Variants in KANK1 observed in about 807,000 individuals in gnomAD.
The protein encoded by KANK1 is KN motif and ankyrin repeat domains 1.
A neutral mutation model predicts 106.2 loss-of-function variants in KANK1; 109 were observed. The ratio of observed to expected loss-of-function variants is 1.03; its 90% CI spans 0.88 to 1.20. The LOEUF is 1.20. Among genes scored for constraint, KANK1 ranks in the 50% most tolerant of loss-of-function variants. The probability of loss-of-function intolerance (pLI) is 0.00; values close to 1 mark genes in which losing one functional copy is unlikely to be tolerated. For synonymous variants in KANK1, 873 were observed against 652.2 expected (o/e 1.34, Z -5.16); for missense variants, 2,399 against 1,710.7 (o/e 1.40, Z -7.10).
chr9:535,916 C>T (rs1244297121), intron 1 of KANK1, among the ~76,000 whole-genome samples: 1 of 152,196 alleles, frequency 6.6e-6, no homozygotes, highest in African/African-American at 2.4e-5. Context: ...CTTCCAAGCT[C>T]CTTCACTACC....
chr9:506,164 T>C (rs1349874331), intron 1 of KANK1, among the ~76,000 whole-genome samples: 1 of 152,230 alleles, frequency 6.6e-6, no homozygotes, highest in Admixed American at 6.5e-5. Flanking sequence ...GCAGTCATTC[T>C]TCCATCTCCC....
At chr9:690,146 A>AAAAC (rs1374697222) in intron 2 of KANK1, among the ~76,000 whole-genome samples, 3 of 149,046 alleles carry the variant, frequency 2.0e-5, no homozygotes, top group Non-Finnish European at 4.5e-5. Flanking sequence ...AAAAAAAAAA[A>AAAAC]AAAAAAAAAA....
At chr9:535,710 G>T (rs913102161) in intron 1 of KANK1, among the ~76,000 whole-genome samples, 1 of 152,184 alleles carries the variant, frequency 6.6e-6, no homozygotes, top group African/African-American at 2.4e-5. Context: ...GCAGCAAATG[G>T]GCTGTAGAAT....
In KANK1 at chr9:562,093, C is replaced by T. The variant is rs565526804; in HGVS notation, c.-84+57339C>T. ...CGGAGTCTCGCTCTGTCGCCCAGGC[C>T]GGACTGCGGACTGCAGTGGCGCAAT... is the stretch of plus-strand genomic sequence containing the variant. On this transcript the variant is annotated intron_variant, in intron 1 of 11. Transcript: ENST00000382297. Among the ~76,000 whole-genome samples, 11 of 130,066 alleles carry T rather than the reference C, an allele frequency of 8.5e-5. No homozygotes were observed. The South Asian group carries it at 1.0e-3, about 12-fold the overall frequency. 85.3% of individuals were successfully genotyped at this position (130,066 alleles called of 152,430 possible).
intron 1 of KANK1, among the ~76,000 whole-genome samples, chr9:644,643 G>C (rs1228795781): frequency 2.7e-5 from 4 of 150,678 alleles, no homozygotes; most frequent in African/African-American, 1.0e-4. Flanking sequence ...GGATGGTGCT[G>C]GCCCATTCAT....
chr9:553,819 C>G (rs1175076180), intron 1 of KANK1, among the ~76,000 whole-genome samples: 4 of 151,986 alleles, frequency 2.6e-5, no homozygotes, highest in African/African-American at 4.8e-5. Context: ...AGAAAATAAC[C>G]TGTACTTAAT....
intron 3 of KANK1, among the ~76,000 whole-genome samples, chr9:727,680 ATGTGTGTGTG>A (rs55997819): frequency 1.1e-3 from 151 of 139,766 alleles, no homozygotes; most frequent in Middle Eastern, 3.6e-3. Context: ...ATAACTTTTC[ATGTGTGTGTG>A]TGTGTGTGTG....
chr9:575,527 C>T (rs924239229), intron 1 of KANK1, among the ~76,000 whole-genome samples: 1 of 147,578 alleles, frequency 6.8e-6, no homozygotes, highest in African/African-American at 2.5e-5. Context: ...AAAAAAAAAG[C>T]CAGGAATGGT....
intron 1 of KANK1, among the ~76,000 whole-genome samples, chr9:604,634 C>A (rs1369429805): frequency 6.6e-6 from 1 of 151,670 alleles, no homozygotes; most frequent in Non-Finnish European, 1.5e-5. Context: ...GAGTTCAAGA[C>A]CAGTCTGGCC....
chr9:522,902 A>G (rs562125537), intron 1 of KANK1, among the ~76,000 whole-genome samples: 7 of 151,670 alleles, frequency 4.6e-5, no homozygotes, highest in East Asian at 1.9e-4. Flanking sequence ...AAATGCCTGC[A>G]CTGCTGAGCT....
chr9:511,949 T>G (rs2059046350), intron 1 of KANK1, among the ~76,000 whole-genome samples: 1 of 152,174 alleles, frequency 6.6e-6, no homozygotes, highest in Admixed American at 6.5e-5. Context: ...CTTTCGGTGT[T>G]GACTGAGGTC....
intron 1 of KANK1, among the ~76,000 whole-genome samples, chr9:613,989 G>T (rs1214690925): frequency 6.6e-6 from 1 of 152,128 alleles, no homozygotes; most frequent in African/African-American, 2.4e-5. Context: ...TTGAGGCCGG[G>T]AAGAAGGCGC....
Position 609,622 on chromosome 9 carries a change from C to T in KANK1, c.-83-67268C>T, listed in dbSNP as rs530238832. ...TCCAGCCTGGGTGACAAGAGTGAGA[C>T]GCTGTCCCAAAAAATAAATAAATAA... On this transcript the variant is annotated intron_variant, in intron 1 of 11. Transcript: ENST00000382297. Among the ~76,000 whole-genome samples, 11 of 152,142 alleles carry T rather than the reference C, an allele frequency of 7.2e-5. No homozygotes were observed. In the South Asian group the frequency reaches 1.2e-3, roughly 17 times the overall value.
intron 1 of KANK1, among the ~76,000 whole-genome samples, chr9:529,747 G>GGTAA (rs1349686809): frequency 1.3e-5 from 2 of 152,112 alleles, no homozygotes; most frequent in Non-Finnish European, 2.9e-5. Context: ...TGCTGCAAGG[G>GGTAA]GTAACTTTGT....
chr9:630,595 G>A (rs1835455744), intron 1 of KANK1, among the ~76,000 whole-genome samples: 1 of 151,114 alleles, frequency 6.6e-6, no homozygotes. Context: ...CAGGTGGAAG[G>A]TGAGAGAGGC....
intron 1 of KANK1, among the ~76,000 whole-genome samples, chr9:661,852 G>T (rs571304246): frequency 6.8e-6 from 1 of 147,890 alleles, no homozygotes. Flanking sequence ...TTGTGGTTTT[G>T]ATTTGCATTT....
chr9:639,915 G>T (rs936706328), intron 1 of KANK1, among the ~76,000 whole-genome samples: 1 of 152,042 alleles, frequency 6.6e-6, no homozygotes, highest in African/African-American at 2.4e-5. Flanking sequence ...CCTTTGTAAG[G>T]GCACTAATCC....
chr9:660,943 C>T (rs1236289614), intron 1 of KANK1, among the ~76,000 whole-genome samples: 1 of 152,180 alleles, frequency 6.6e-6, no homozygotes, highest in African/African-American at 2.4e-5. Flanking sequence ...GTGAGACCAA[C>T]CTTCCATCAA....
chr9:637,529 T>G (rs1012802474), intron 1 of KANK1, among the ~76,000 whole-genome samples: 3 of 152,188 alleles, frequency 2.0e-5, no homozygotes, highest in African/African-American at 7.2e-5. Flanking sequence ...GGACTTACCT[T>G]CAGGGATATC....
Sources: allele counts gnomAD v4.1 joint callset (sites outside exome capture counted in the v4.1 genomes callset), GRCh38; gene constraint gnomAD v4.1.1; transcripts MANE v1.5; gene names NCBI Gene and HGNC (gene_info 2026-07-23, HGNC 2026-07-21).